Variants in TNNI3K observed in about 807,000 individuals in gnomAD.
The protein encoded by TNNI3K is serine/threonine-protein kinase TNNI3K.
TNNI3K carries 140 observed loss-of-function variants against 114.5 expected under a neutral mutation model. The observed-to-expected ratio is 1.22, with a 90% confidence interval of 1.07 to 1.41. TNNI3K has a LOEUF of 1.41. Ranked by LOEUF, TNNI3K falls within the 40% of genes most tolerant of loss-of-function variation. TNNI3K has a pLI of 0.00. For synonymous variants in TNNI3K, 347 were observed against 347.5 expected (o/e 1.00, Z 0.02); for missense variants, 1,125 against 1,007.6 (o/e 1.12, Z -1.58).
intron 21 of TNNI3K, among the ~76,000 whole-genome samples, chr1:74,486,201 A>AAGAGAAG (rs1668751975): frequency 7.3e-6 from 1 of 136,412 alleles, no homozygotes; most frequent in East Asian, 2.3e-4. Flanking sequence ...AAATGCTATA[A>AAGAGAAG]AGAGAGAGAG....
chr1:74,259,918 C>A (rs571896287), intron 4 of TNNI3K, among the ~76,000 whole-genome samples: 1 of 152,160 alleles, frequency 6.6e-6, no homozygotes, highest in Non-Finnish European at 1.5e-5. Flanking sequence ...CCAGAATGTA[C>A]ATTTTTAAAA....
At chr1:74,309,861 G>A (rs1247798836) in intron 5 of TNNI3K, among the ~76,000 whole-genome samples, 1 of 152,096 alleles carries the variant, frequency 6.6e-6, no homozygotes, top group Non-Finnish European at 1.5e-5. Context: ...CATACTGAAA[G>A]GGCAAAAGTT....
chr1:74,414,500 G>A (rs1319990813), intron 17 of TNNI3K, among the ~76,000 whole-genome samples: 1 of 152,112 alleles, frequency 6.6e-6, no homozygotes, highest in African/African-American at 2.4e-5. Flanking sequence ...AAATTGTTGT[G>A]CTTCTCTTGC....
rs1404007000 is a variant in TNNI3K, at chr1:74,450,288, C to G, written c.2011+10666C>G. Reference sequence around the variant, plus strand: ...GAGGGAAATTTATAGCACTAAATGCCCACAAGAGAAAGCAGGAAAGATCCA... The same window carrying G: ...GAGGGAAATTTATAGCACTAAATGCGCACAAGAGAAAGCAGGAAAGATCCA... On this transcript the variant is annotated intron_variant, in intron 20 of 24. Coordinates refer to ENST00000326637, the MANE Select transcript of TNNI3K (RefSeq NM_015978.3). Among the ~76,000 whole-genome samples the G allele has an allele frequency of 3.3e-5, 5 of 151,404 alleles. No individual in the cohort carries two copies. In the South Asian group the frequency reaches 8.4e-4, roughly 25 times the overall value.
chr1:74,383,732 GA>G (rs1663324756), intron 17 of TNNI3K, among the ~76,000 whole-genome samples: 1 of 152,028 alleles, frequency 6.6e-6, no homozygotes, highest in African/African-American at 2.4e-5. Context: ...TTTGTCAGAT[GA>G]ATGAATTAAT....
At chr1:74,304,964 G>A (rs879865173) in intron 5 of TNNI3K, among the ~76,000 whole-genome samples, 3 of 152,110 alleles carry the variant, frequency 2.0e-5, no homozygotes, top group Admixed American at 2.0e-4. Context: ...TTTGAGACAT[G>A]TATTTGTGAG....
chr1:74,355,498 G>A (rs903302346), intron 11 of TNNI3K, among the ~76,000 whole-genome samples: 5 of 152,050 alleles, frequency 3.3e-5, no homozygotes, highest in Admixed American at 1.3e-4. Flanking sequence ...CAGCTACTCG[G>A]GAGGCTGAGG....
chr1:74,470,012 C>A (rs1454888534), intron 21 of TNNI3K: 1 of 400,588 alleles, frequency 2.5e-6, no homozygotes, highest in Admixed American at 4.4e-5. Flanking sequence ...TCAAAACTGT[C>A]TTTTAACCCT....
intron 17 of TNNI3K, among the ~76,000 whole-genome samples, chr1:74,387,679 C>T (rs1663556696): frequency 1.3e-5 from 2 of 152,154 alleles, no homozygotes; most frequent in African/African-American, 4.8e-5. Flanking sequence ...CAAAATATAG[C>T]AGAAAGACTG....
At chr1:74,522,685 G>A (rs1646450616) in intron 23 of TNNI3K, among the ~76,000 whole-genome samples, 1 of 151,870 alleles carries the variant, frequency 6.6e-6, no homozygotes, top group African/African-American at 2.4e-5. Flanking sequence ...AGAGAGAAAT[G>A]CCCCAGGAAG....
chr1:74,448,065 T>A (rs1220887812), intron 20 of TNNI3K, among the ~76,000 whole-genome samples: 3 of 75,050 alleles, frequency 4.0e-5, no homozygotes, highest in Non-Finnish European at 7.5e-5. Flanking sequence ...AACAATGAGA[T>A]CACATGGACA....
chr1:74,280,402 TA>T (rs1197754332), intron 5 of TNNI3K, among the ~76,000 whole-genome samples: 1 of 149,690 alleles, frequency 6.7e-6, no homozygotes, highest in African/African-American at 2.5e-5. Context: ...TAAAATAAAA[TA>T]AAAAAGGAAA....
At chr1:74,466,371 T>C (rs1250019282) in intron 21 of TNNI3K, among the ~76,000 whole-genome samples, 1 of 152,160 alleles carries the variant, frequency 6.6e-6, no homozygotes, top group Non-Finnish European at 1.5e-5. Context: ...GATAGGTCAT[T>C]GGCAGGTTCT....
At chr1:74,252,057 G>T (rs947307945) in intron 4 of TNNI3K, among the ~76,000 whole-genome samples, 1 of 152,190 alleles carries the variant, frequency 6.6e-6, no homozygotes, top group Non-Finnish European at 1.5e-5. Context: ...GGAAGGTAGT[G>T]AATGATAGTC....
intron 17 of TNNI3K, among the ~76,000 whole-genome samples, chr1:74,391,536 C>T (rs1031315732): frequency 6.6e-6 from 1 of 152,098 alleles, no homozygotes; most frequent in Non-Finnish European, 1.5e-5. Context: ...GAAATAAAAA[C>T]CAAGAGGTCT....
intron 21 of TNNI3K, among the ~76,000 whole-genome samples, chr1:74,486,175 G>A (rs1668749326): frequency 1.4e-5 from 2 of 146,376 alleles, no homozygotes; most frequent in African/African-American, 5.0e-5. Flanking sequence ...ATGCAGAAGT[G>A]GTCTACCCTC....
intron 6 of TNNI3K, among the ~76,000 whole-genome samples, chr1:74,335,066 C>T (rs1660396641): frequency 6.6e-6 from 1 of 152,180 alleles, no homozygotes; most frequent in Non-Finnish European, 1.5e-5. Context: ...AACATTGTCT[C>T]AGTTCACCAA....
At chr1:74,444,056 C>G (rs1365667709) in intron 20 of TNNI3K, among the ~76,000 whole-genome samples, 1 of 152,160 alleles carries the variant, frequency 6.6e-6, no homozygotes, top group Non-Finnish European at 1.5e-5. Context: ...GAATATCATA[C>G]TGAATGGGCA....
intron 11 of TNNI3K, among the ~76,000 whole-genome samples, chr1:74,361,781 C>A (rs1661982134): frequency 6.6e-6 from 1 of 151,646 alleles, no homozygotes; most frequent in South Asian, 2.1e-4. Context: ...TGGAGCTGGC[C>A]CCTCATAGGT....
Sources: gnomAD v4.1 joint callset for allele counts (sites outside exome capture counted in the v4.1 genomes callset) on GRCh38, gnomAD v4.1.1 for gene constraint, MANE v1.5 for transcripts, NCBI Gene and HGNC (gene_info 2026-07-23, HGNC 2026-07-21) for gene names.